The following DGLUCY variants were observed in gnomAD, a reference collection of about 807,000 sequenced individuals.
DGLUCY encodes the protein D-glutamate cyclase, mitochondrial.
DGLUCY carries 58 observed loss-of-function variants against 58.5 expected under a neutral mutation model. The ratio of observed to expected loss-of-function variants is 0.99; its 90% CI spans 0.80 to 1.23. The LOEUF is 1.23. Among genes scored for constraint, DGLUCY ranks in the 50% most tolerant of loss-of-function variants. DGLUCY has a pLI of 0.00. For synonymous variants in DGLUCY, 325 were observed against 314.1 expected, an observed-to-expected ratio of 1.03 and a Z score of -0.37; for missense variants, 779 against 784.7, an observed-to-expected ratio of 0.99 and a Z score of 0.09.
chr14:91,138,223 G>A lies in DGLUCY; in HGVS notation c.-81-19416G>A, dbSNP rs1026564381. On this transcript the variant is annotated intron_variant, in intron 1 of 13. Transcript: ENST00000256324. Reference sequence around the variant, plus strand: ...AAAGAAATACGCAGCTGGGCGCGGTGGCTCACACCTGTAATCCCAGCACTT... The same window carrying A: ...AAAGAAATACGCAGCTGGGCGCGGTAGCTCACACCTGTAATCCCAGCACTT... Among the ~76,000 whole-genome samples the A allele has an allele frequency of 2.0e-5, 3 of 152,272 alleles. No individual in the cohort carries two copies. The East Asian group carries it at 5.8e-4, about 29-fold the overall frequency.
At chr14:91,167,691 A>C (rs983159988) in intron 4 of DGLUCY, 2 of 701,482 alleles carry the variant, frequency 2.9e-6, no homozygotes, top group Non-Finnish European at 5.2e-6. Flanking sequence ...TACAGGATTA[A>C]GAAGAAAATA....
chr14:91,191,071 T>C lies in DGLUCY; in HGVS notation c.1195+1901T>C, dbSNP rs190239063. The stretch of plus-strand genomic sequence containing the variant: ...ACAAGCTAGGGCCCTGCAGGGCCTC[T>C]CCAAAGCCATGTGGAATCACTGGCT... On this transcript the variant is annotated intron_variant, in intron 9 of 13. Transcript: ENST00000256324. Among the ~76,000 whole-genome samples the C allele has an allele frequency of 4.3e-3, 651 of 152,250 alleles. 5 individuals are homozygous for C. The highest frequency in any genetic ancestry group is 0.015 in the African/African-American group (625 of 41,556).
At position 91,225,033 on chromosome 14, in the gene DGLUCY, C is replaced by T; in HGVS notation, c.*200C>T. On this transcript the variant is annotated 3_prime_UTR_variant, in exon 14 of 14. Coordinates refer to ENST00000256324, the MANE Select transcript of DGLUCY (RefSeq NM_001102368.3). ...GCTGTGGACAAAGGACAACATTTCT[C>T]TGGGGCTTTTTAACTTTTATTCCTA... 1 of 504,236 alleles carries T rather than the reference C, an allele frequency of 2.0e-6. No individual in the cohort carries two copies. The allele number at this position is 504,236 out of a possible 1,614,324, so 31.2% of individuals were successfully genotyped here. A position where few individuals can be genotyped will look rare whatever the true frequency, so the allele number is the denominator to read the frequency against.
chr14:91,097,495 T>C (rs991526155), intron 1 of DGLUCY, among the ~76,000 whole-genome samples: 7 of 152,222 alleles, frequency 4.6e-5, no homozygotes, highest in Non-Finnish European at 1.0e-4. Flanking sequence ...TTATACACTT[T>C]AGGTGAATGT....
intron 1 of DGLUCY, among the ~76,000 whole-genome samples, chr14:91,082,068 A>G (rs900813865): frequency 1.3e-5 from 2 of 152,226 alleles, no homozygotes; most frequent in Middle Eastern, 3.4e-3. Context: ...TAACATATTC[A>G]CAGGCTCTGG....
chr14:91,068,774 A>C (rs1595603770), intron 1 of DGLUCY, among the ~76,000 whole-genome samples: 1 of 152,220 alleles, frequency 6.6e-6, no homozygotes, highest in East Asian at 1.9e-4. Context: ...AAACATAGAA[A>C]AGGTCCCATT....
intron 11 of DGLUCY, among the ~76,000 whole-genome samples, chr14:91,204,039 A>G (rs1045497738): frequency 2.6e-5 from 4 of 152,204 alleles, no homozygotes; most frequent in Admixed American, 2.6e-4. Flanking sequence ...TAGCCAATCC[A>G]CCTATCTTGA....
intron 12 of DGLUCY, among the ~76,000 whole-genome samples, chr14:91,208,892 T>C (rs901347524): frequency 6.6e-6 from 1 of 152,216 alleles, no homozygotes; most frequent in African/African-American, 2.4e-5. Flanking sequence ...TGTAAATGTA[T>C]GTTGCAAACT....
intron 1 of DGLUCY, among the ~76,000 whole-genome samples, chr14:91,117,659 A>G (rs2045061921): frequency 1.6e-5 from 1 of 62,250 alleles, no homozygotes; most frequent in Admixed American, 1.7e-4. Context: ...ACACACACAC[A>G]CATACACACA....
At chr14:91,060,391 C>A in exon 1 of DGLUCY, 1 of 1,509,390 alleles carries the variant, frequency 6.6e-7, no homozygotes, top group East Asian at 2.7e-5. Flanking sequence ...GCCGTCCGCG[C>A]TGGTCCCCGC....
intron 1 of DGLUCY, among the ~76,000 whole-genome samples, chr14:91,094,493 C>A (rs1300125571): frequency 6.6e-6 from 1 of 150,682 alleles, no homozygotes; most frequent in Non-Finnish European, 1.5e-5. Context: ...GCAGAGGTGA[C>A]CATGCAGACA....
chr14:91,105,889 C>T (rs1162449627), upstream of DGLUCY, among the ~76,000 whole-genome samples: 1 of 152,126 alleles, frequency 6.6e-6, no homozygotes, highest in Non-Finnish European at 1.5e-5. Flanking sequence ...TACTCCTGGG[C>T]CACAAACCTG....
intron 13 of DGLUCY, among the ~76,000 whole-genome samples, chr14:91,218,355 C>G (rs1338502391): frequency 6.6e-6 from 1 of 151,998 alleles, no homozygotes; most frequent in African/African-American, 2.4e-5. Flanking sequence ...CCTAGTCCTT[C>G]ATAAATCAAT....
chr14:91,166,966 A>T (rs1229725692), intron 3 of DGLUCY, among the ~76,000 whole-genome samples: 1 of 151,958 alleles, frequency 6.6e-6, no homozygotes, highest in Admixed American at 6.6e-5. Flanking sequence ...GTATATTTTT[A>T]GTCTCTACTA....
rs140208085 is a variant in DGLUCY, at chr14:91,062,046, G to A, written c.-82+1342G>A. Reference sequence around the variant, plus strand: ...ACTTTTTTCTATTAAGGGCCAGATAGTAAATATTTTAGGATTTGCAAGCTG... The same window carrying A: ...ACTTTTTTCTATTAAGGGCCAGATAATAAATATTTTAGGATTTGCAAGCTG... On this transcript the variant is annotated intron_variant, in intron 1 of 4. Transcript: ENST00000521334. Among the ~76,000 whole-genome samples the A allele has an allele frequency of 3.2e-3, 490 of 152,242 alleles. 4 individuals carry two copies. Among genetic ancestry groups the A allele is most frequent in the African/African-American group, 0.011 (477 of 41,538 alleles).
At chr14:91,177,364 CT>C (rs2048919856) in intron 7 of DGLUCY, among the ~76,000 whole-genome samples, 2 of 152,174 alleles carry the variant, frequency 1.3e-5, no homozygotes, top group Admixed American at 1.3e-4. Context: ...GAGGACTAAC[CT>C]TTAGCTTGGC....
At chr14:91,179,763 A>AT (rs939222185) in intron 7 of DGLUCY, among the ~76,000 whole-genome samples, 5 of 151,984 alleles carry the variant, frequency 3.3e-5, no homozygotes, top group South Asian at 2.1e-4. Context: ...AAAAAAAAAA[A>AT]ATATATGCTT....
intron 4 of DGLUCY, chr14:91,167,838 A>AT (rs1314803529): frequency 1.1e-5 from 7 of 610,072 alleles, no homozygotes; most frequent in Non-Finnish European, 2.0e-5. Flanking sequence ...TACCTTTCCT[A>AT]TGGCACCAGC....
In DGLUCY at chr14:91,177,957, C is replaced by T. The variant is rs527263013; in HGVS notation, c.730+1901C>T. Among the ~76,000 whole-genome samples the T allele has an allele frequency of 3.5e-3, 532 of 152,278 alleles. 2 individuals carry two copies. Among genetic ancestry groups the T allele is most frequent in the Middle Eastern group, 0.014 (4 of 294 alleles). ...GTGTGTGGGCATGTGTGTAGACACA[C>T]CCACCCACGTGCAGTAAACGTCCCC... On this transcript the variant is annotated intron_variant, in intron 7 of 13. Transcript: ENST00000256324.
Sources: gnomAD v4.1 joint callset for allele counts (sites outside exome capture counted in the v4.1 genomes callset) on GRCh38, gnomAD v4.1.1 for gene constraint, MANE v1.5 for transcripts, NCBI Gene and HGNC (gene_info 2026-07-23, HGNC 2026-07-21) for gene names.